The following PDE4B variants were observed in gnomAD, a reference collection of about 807,000 sequenced individuals.
PDE4B encodes 3',5'-cyclic-AMP phosphodiesterase 4B.
A neutral mutation model predicts 82.2 loss-of-function variants in PDE4B; 20 were observed. The observed-to-expected ratio is 0.24, with a 90% CI of 0.17 to 0.35. The LOEUF (loss-of-function observed/expected upper bound fraction) is 0.35, where lower values mean the gene tolerates loss of function less well. Among genes scored for constraint, PDE4B ranks in the 10% least tolerant of loss-of-function variants. The pLI, the probability that PDE4B is intolerant of heterozygous loss-of-function variation, is 1.00. For missense variants in PDE4B, 655 were observed against 907.2 expected (o/e 0.72, Z 3.57); for synonymous variants, 320 against 318.9 (o/e 1.00, Z -0.04).
At chr1:65,870,431 A>G (rs550137131) in intron 1 of PDE4B, among the ~76,000 whole-genome samples, 79 of 152,312 alleles carry the variant, frequency 5.2e-4, no homozygotes, top group Admixed American at 1.7e-3. Flanking sequence ...TAACTAAACC[A>G]AAATTTTAAA....
At chr1:65,873,040 C>T (rs1281531981) in intron 1 of PDE4B, among the ~76,000 whole-genome samples, 2 of 152,050 alleles carry the variant, frequency 1.3e-5, no homozygotes, top group East Asian at 3.8e-4. Flanking sequence ...TGGTGCTATG[C>T]CAAAACAAAA....
intron 3 of PDE4B, among the ~76,000 whole-genome samples, chr1:65,953,967 T>G (rs1310923627): frequency 6.6e-6 from 1 of 152,082 alleles, no homozygotes; most frequent in Admixed American, 6.5e-5. Flanking sequence ...GGCATGATCT[T>G]GGCTCACTGC....
At chr1:66,112,573 C>A (rs1412225506) in intron 3 of PDE4B, among the ~76,000 whole-genome samples, 2 of 152,164 alleles carry the variant, frequency 1.3e-5, no homozygotes, top group African/African-American at 2.4e-5. Flanking sequence ...ATGACAATTA[C>A]AGGCTAGGCA....
rs544055612 is a variant in PDE4B, at chr1:66,028,023, C to T, written c.281+109188C>T. ...TTCTCACAGCTCCACTAGACAGTGC[C>T]CCAGTAGGGACTCTGTGTGGGGGCT... On this transcript the variant is annotated intron_variant, in intron 3 of 16. Transcript: ENST00000341517. Among the ~76,000 whole-genome samples the T allele has an allele frequency of 2.0e-4, 31 of 152,306 alleles. No individual in the cohort carries two copies. The East Asian group carries it at 6.0e-3, about 29-fold the overall frequency.
At chr1:65,999,331 C>T (rs191630323) in intron 3 of PDE4B, among the ~76,000 whole-genome samples, 96 of 152,312 alleles carry the variant, frequency 6.3e-4, no homozygotes, top group African/African-American at 1.9e-3. Context: ...ATCTCAAACG[C>T]TTACCATGGT....
intron 3 of PDE4B, among the ~76,000 whole-genome samples, chr1:66,090,734 T>TATAC (rs771900421): frequency 0.038 from 4,518 of 118,778 alleles, 87 homozygotes; most frequent in East Asian, 0.099. Context: ...TATATGTATG[T>TATAC]ATATATACAT....
intron 3 of PDE4B, among the ~76,000 whole-genome samples, chr1:66,124,196 A>G (rs368643008): frequency 6.6e-6 from 1 of 152,208 alleles, no homozygotes; most frequent in African/African-American, 2.4e-5. Context: ...GCATAAATGT[A>G]CTTCCAGGGA....
chr1:66,180,068 G>A lies in PDE4B; in HGVS notation c.282-67392G>A, dbSNP rs114364790. ...CATTTTTCAAACACAGCATGCCATT[G>A]TGTGCCTGTTTAGTGGAAACAGAAA... On this transcript the variant is annotated intron_variant, in intron 3 of 16. Coordinates refer to ENST00000341517, the MANE Select transcript of PDE4B (RefSeq NM_002600.4). Among the ~76,000 whole-genome samples, 1,025 of 152,262 alleles carry A rather than the reference G, an allele frequency of 6.7e-3. 9 individuals are homozygous for A. The highest frequency in any genetic ancestry group is 8.6e-3 in the Non-Finnish European group (583 of 68,020).
At chr1:66,251,123 T>C (rs1653739450) in intron 4 of PDE4B, among the ~76,000 whole-genome samples, 1 of 152,250 alleles carries the variant, frequency 6.6e-6, no homozygotes, top group Non-Finnish European at 1.5e-5. Flanking sequence ...TTTAAGACAT[T>C]GAATCTCTTT....
intron 3 of PDE4B, among the ~76,000 whole-genome samples, chr1:66,149,752 C>T (rs1380807187): frequency 6.6e-6 from 1 of 152,066 alleles, no homozygotes; most frequent in African/African-American, 2.4e-5. Flanking sequence ...ACTCAGTAGG[C>T]GGAGGCAGGA....
At chr1:65,842,118 C>A (rs1159670039) in intron 1 of PDE4B, among the ~76,000 whole-genome samples, 1 of 152,054 alleles carries the variant, frequency 6.6e-6, no homozygotes, top group Non-Finnish European at 1.5e-5. Flanking sequence ...CGAAATAGAT[C>A]ATTTCTAGGG....
chr1:66,247,394 C>T (rs1653398461), intron 3 of PDE4B, 66 bp from the exon 4 acceptor site: 2 of 1,101,614 alleles, frequency 1.8e-6, no homozygotes, highest in Admixed American at 2.5e-5. Flanking sequence ...CGTTGGTTCT[C>T]AGTGTATACT....
At chr1:66,066,290 T>C (rs1027818593) in intron 3 of PDE4B, among the ~76,000 whole-genome samples, 1 of 151,844 alleles carries the variant, frequency 6.6e-6, no homozygotes, top group South Asian at 2.1e-4. Context: ...CTCCATCCCC[T>C]ACATTACCTA....
intron 3 of PDE4B, among the ~76,000 whole-genome samples, chr1:66,224,924 A>G (rs1368516309): frequency 6.6e-6 from 1 of 152,182 alleles, no homozygotes; most frequent in Non-Finnish European, 1.5e-5. Context: ...TCGCATTCTT[A>G]CTGAGAAAAT....
chr1:66,110,941 A>G (rs1285544965), intron 3 of PDE4B, among the ~76,000 whole-genome samples: 2 of 152,120 alleles, frequency 1.3e-5, no homozygotes, highest in African/African-American at 4.8e-5. Flanking sequence ...TGGATAAGTC[A>G]GGACCTGACT....
intron 1 of PDE4B, among the ~76,000 whole-genome samples, chr1:65,819,965 A>G (rs1382211306): frequency 6.6e-6 from 1 of 152,224 alleles, no homozygotes; most frequent in Admixed American, 6.5e-5. Context: ...GTATCAACAG[A>G]GCAAGAGATT....
intron 3 of PDE4B, among the ~76,000 whole-genome samples, chr1:65,964,222 G>T (rs1443406596): frequency 6.6e-6 from 1 of 152,084 alleles, no homozygotes; most frequent in Admixed American, 6.6e-5. Context: ...AGAATTCTAT[G>T]CTTGTACTAA....
At chr1:65,987,762 G>A (rs554330759) in intron 3 of PDE4B, among the ~76,000 whole-genome samples, 8 of 152,140 alleles carry the variant, frequency 5.3e-5, no homozygotes, top group Admixed American at 3.9e-4. Flanking sequence ...ACAGGCATGC[G>A]CTGCCACGCC....
chr1:65,826,069 G>T (rs745315458), intron 1 of PDE4B, among the ~76,000 whole-genome samples: 8 of 152,126 alleles, frequency 5.3e-5, no homozygotes, highest in Non-Finnish European at 1.2e-4. Context: ...TCCCTTTAGG[G>T]AGTTTTAACA....
Sources: allele counts gnomAD v4.1 joint callset (sites outside exome capture counted in the v4.1 genomes callset), GRCh38; gene constraint gnomAD v4.1.1; transcripts MANE v1.5; gene names NCBI Gene and HGNC (gene_info 2026-07-23, HGNC 2026-07-21).